Variants in PIAS1 observed in about 807,000 individuals in gnomAD.
PIAS1 encodes the protein protein inhibitor of activated STAT 1, also known as E3 SUMO-protein ligase PIAS1.
Under a neutral mutation model 71.3 loss-of-function variants are expected in PIAS1, and 6 were observed. The observed-to-expected ratio is 0.08, with a 90% CI of 0.05 to 0.17. The LOEUF (loss-of-function observed/expected upper bound fraction) is 0.17. Ranked by LOEUF, PIAS1 falls within the 10% of genes least tolerant of loss-of-function variation. The pLI, the probability that PIAS1 is intolerant of heterozygous loss-of-function variation, is 1.00. For synonymous variants in PIAS1, 303 were observed against 292.9 expected (o/e 1.03, Z -0.35); for missense variants, 555 against 793.6 (o/e 0.70, Z 3.61).
Position 68,191,795 on chromosome 15 carries a change from A to AC in PIAS1, c.*3962dup, listed in dbSNP as rs1453955442. On this transcript the variant is annotated 3_prime_UTR_variant, in exon 14 of 14. Transcript: ENST00000249636. The stretch of plus-strand genomic sequence containing the variant: ...TTTCAGGAATGAGCTTGAAACCAGG[A>AC]CCAGGAGTAAGGTAACAGCCCTTCC... 2.0e-5 allele frequency: 3 copies of AC among 152,236 alleles called. No individual in the cohort carries two copies. The highest frequency in any genetic ancestry group is 7.2e-5 in the African/African-American group (3 of 41,454). 9.4% of individuals were successfully genotyped at this position (152,236 alleles called of 1,614,324 possible). A position where few individuals can be genotyped will look rare whatever the true frequency, so the allele number is the denominator to read the frequency against.
chr15:68,177,581 A>T (rs1243843648), intron 11 of PIAS1, among the ~76,000 whole-genome samples: 1 of 152,220 alleles, frequency 6.6e-6, no homozygotes, highest in African/African-American at 2.4e-5. Flanking sequence ...CCTAGGTTAT[A>T]CTTCAGTTCA....
In PIAS1 at chr15:68,176,375, T is replaced by C. The variant is rs1224218568; in HGVS notation, c.1301-99T>C. 8.7e-6 allele frequency: 6 copies of C among 687,864 alleles called. 1 individual carries two copies. Among genetic ancestry groups the C allele is most frequent in the South Asian group, 8.0e-5 (2 of 24,872 alleles). 42.6% of individuals were successfully genotyped at this position (687,864 alleles called of 1,614,324 possible). A position where few individuals can be genotyped will look rare whatever the true frequency, so the allele number is the denominator to read the frequency against. ...TTTCTACTCTCTGGCTCCAACAATA[T>C]TGTGAATCTAAACTGTAACTGATAA... On this transcript the variant is annotated intron_variant, in intron 10 of 13. Transcript: ENST00000249636.
Position 68,056,567 on chromosome 15 carries a change from A to G in PIAS1, c.24+2217A>G, listed in dbSNP as rs140724402. ...CTGTTGTATAATTTTTCAAATTATA[A>G]TAACTGTTTTGACATGTTGGTATGT... On this transcript the variant is annotated intron_variant, in intron 1 of 13. Transcript: ENST00000249636. Among the ~76,000 whole-genome samples, 471 of 152,152 alleles carry G rather than the reference A, an allele frequency of 3.1e-3. 2 individuals are homozygous for G. Among genetic ancestry groups the G allele is most frequent in the Middle Eastern group, 0.02 (6 of 294 alleles).
At chr15:68,102,308 A>G (rs2092434027) in intron 2 of PIAS1, among the ~76,000 whole-genome samples, 2 of 152,076 alleles carry the variant, frequency 1.3e-5, no homozygotes, top group Non-Finnish European at 2.9e-5. Flanking sequence ...GTTCTGTTCC[A>G]TTGATCAGTG....
rs1038032130 is a variant in PIAS1 at position 68,182,425 on chromosome 15, A to T, written c.1624+1071A>T. Among the ~76,000 whole-genome samples, 33 of 123,336 alleles carry T rather than the reference A, an allele frequency of 2.7e-4. 2 individuals carry two copies. In the East Asian group the frequency reaches 3.4e-3, roughly 13 times the overall value. 80.9% of individuals were successfully genotyped at this position (123,336 alleles called of 152,430 possible). A position where few individuals can be genotyped will look rare whatever the true frequency, so the allele number is the denominator to read the frequency against. On this transcript the variant is annotated intron_variant, in intron 12 of 13. Coordinates refer to ENST00000249636, the MANE Select transcript of PIAS1 (RefSeq NM_016166.3). Reference sequence around the variant, plus strand: ...ACCCCATTCCCGGGAAGTTACAGCTAGTGTGTGTGTGTGTGTGTGTGTGTG... The same window carrying T: ...ACCCCATTCCCGGGAAGTTACAGCTTGTGTGTGTGTGTGTGTGTGTGTGTG...
chr15:68,141,067 G>T (rs2092766625), intron 2 of PIAS1, among the ~76,000 whole-genome samples: 1 of 152,142 alleles, frequency 6.6e-6, no homozygotes, highest in Non-Finnish European at 1.5e-5. Flanking sequence ...AATGGATGTG[G>T]TGATGCATGC....
At chr15:68,164,887 T>C in intron 8 of PIAS1, 83 bp downstream of exon 8, 1 of 725,468 alleles carries the variant, frequency 1.4e-6, no homozygotes, top group Non-Finnish European at 2.3e-6. Flanking sequence ...ATTTGAGAAA[T>C]TCTGTTTGCT....
chr15:68,175,564 T>C, intron 9 of PIAS1, 73 bp from the exon 10 acceptor site: 1 of 751,592 alleles, frequency 1.3e-6, no homozygotes, highest in Non-Finnish European at 1.9e-6. Flanking sequence ...ATTTTAAGAA[T>C]AAATATAACT....
At chr15:68,142,238 T>C in intron 3 of PIAS1, 52 bp from the exon 4 acceptor site, 4 of 1,462,146 alleles carry the variant, frequency 2.7e-6, no homozygotes, top group Non-Finnish European at 3.8e-6. Flanking sequence ...TTGAATGAAC[T>C]TTCATGCAAA....
At chr15:68,117,023 T>C (rs545344670) in intron 2 of PIAS1, among the ~76,000 whole-genome samples, 1 of 152,286 alleles carries the variant, frequency 6.6e-6, no homozygotes, top group East Asian at 1.9e-4. Flanking sequence ...CATTGTCTGT[T>C]TGTGATGAGG....
intron 7 of PIAS1, among the ~76,000 whole-genome samples, chr15:68,157,799 C>T (rs1372525140): frequency 6.6e-6 from 1 of 152,162 alleles, no homozygotes; most frequent in African/African-American, 2.4e-5. Context: ...GACCTCTCCC[C>T]TGCGTTTCAG....
Position 68,173,747 on chromosome 15 carries a change from C to T in PIAS1, c.1024C>T (p.Leu342=). 6.5e-7 allele frequency: 1 copy of T among 1,540,890 alleles called. No individual in the cohort carries two copies. The highest frequency in any genetic ancestry group is 8.8e-7 in the Non-Finnish European group (1 of 1,134,266). The change falls in exon 9 of 14, where the codon CTG becomes TTG. Residue 342 remains leucine, a synonymous_variant. Transcript: ENST00000249636. This position sits in a 1 kb window ranked among gnomAD's most constrained non-coding sequence, Gnocchi z 4.3. ...CTTTTTAAAGCTTGGTAAAATGCGG[C>T]TGACAATTCCGTGTCGGGCCCTTAC... is the stretch of plus-strand genomic sequence containing the variant. ...SLLCPLGKMR[L]TIPCRALTCS...
chr15:68,096,711 G>C (rs1193250485), intron 2 of PIAS1, among the ~76,000 whole-genome samples: 2 of 151,970 alleles, frequency 1.3e-5, no homozygotes, highest in Non-Finnish European at 2.9e-5. Flanking sequence ...CCTTTTCAGT[G>C]TGTTCATTGT....
chr15:68,081,648 C>T (rs963257548), intron 1 of PIAS1, among the ~76,000 whole-genome samples: 4 of 151,434 alleles, frequency 2.6e-5, no homozygotes, highest in Non-Finnish European at 5.9e-5. Flanking sequence ...TTAATGTAAG[C>T]GTTAGGAGAT....
intron 8 of PIAS1, among the ~76,000 whole-genome samples, chr15:68,168,794 T>C (rs1405042946): frequency 6.6e-6 from 1 of 152,202 alleles, no homozygotes; most frequent in Non-Finnish European, 1.5e-5. Flanking sequence ...CACATACCCA[T>C]TTATGTCTGT....
chr15:68,115,578 A>G (rs1048139873), intron 2 of PIAS1, among the ~76,000 whole-genome samples: 5 of 152,106 alleles, frequency 3.3e-5, no homozygotes, highest in Non-Finnish European at 7.4e-5. Context: ...TATAATGTTG[A>G]ATAGAAATGG....
chr15:68,145,826 T>C lies in PIAS1; in HGVS notation c.613T>C (p.Ser205Pro). ...TVQVQLRFCL[S>P]ETSCPQEDHF... ...TCCTTTATTGTTTAGGTTTTGTTTA[T>C]CAGAAACCAGTTGTCCACAAGAAGA... The change falls in exon 5 of 14, where the codon TCA becomes CCA. Residue 205 changes from serine to proline, a missense_variant. Physicochemically the swap from Ser to Pro is moderately conservative, Grantham distance 74 (BLOSUM62 -1). This residue lies in a region of PIAS1 where 134 missense variants were observed against 203.4 expected (regional missense o/e 0.66). Transcript: ENST00000249636. The C allele has an allele frequency of 6.2e-7, 1 of 1,604,636 alleles. No homozygotes were observed. The highest frequency in any genetic ancestry group is 8.5e-7 in the Non-Finnish European group (1 of 1,171,636).
Position 68,167,054 on chromosome 15 carries a change from T to C in PIAS1, c.1008+2250T>C, listed in dbSNP as rs1302899396. 6.6e-6 allele frequency among the ~76,000 whole-genome samples: 1 copy of C among 152,164 alleles called. No homozygotes were observed. The highest frequency in any genetic ancestry group is 1.5e-5 in the Non-Finnish European group (1 of 68,030). On this transcript the variant is annotated intron_variant, in intron 8 of 13. Coordinates refer to ENST00000249636, the MANE Select transcript of PIAS1 (RefSeq NM_016166.3). This position sits in a 1 kb window ranked among gnomAD's most constrained non-coding sequence, Gnocchi z 4.4. ...GTTGCCCAGGCTGGTCATGGACTCC[T>C]GGCCTCAAGCAATCCTCCTGCCTTG...
intron 10 of PIAS1, 121 bp downstream of exon 10, chr15:68,175,888 ATTAACTT>A: frequency 1.9e-6 from 1 of 537,728 alleles, no homozygotes. Flanking sequence ...AATAATTCCT[ATTAACTT>A]ATTGATTAAA....
Sources: allele counts gnomAD v4.1 joint callset (sites outside exome capture counted in the v4.1 genomes callset), GRCh38; gene constraint gnomAD v4.1.1; regional missense constraint gnomAD v4.1.1; non-coding constraint Gnocchi (gnomAD v3.1); transcripts MANE v1.5; gene names NCBI Gene and HGNC (gene_info 2026-07-23, HGNC 2026-07-21).